KANK1: variants seen among roughly 807,000 people sequenced by gnomAD.
KANK1 encodes KN motif and ankyrin repeat domains 1.
KANK1 carries 109 observed loss-of-function variants against 106.2 expected under a neutral mutation model. The observed-to-expected ratio is 1.03, with a 90% confidence interval of 0.88 to 1.20. The LOEUF (loss-of-function observed/expected upper bound fraction) is 1.20. KANK1 is among the 50% of genes most tolerant of loss of function. The pLI, the probability that KANK1 is intolerant of heterozygous loss-of-function variation, is 0.00. For synonymous variants in KANK1, 873 were observed against 652.2 expected, an observed-to-expected ratio of 1.34 and a Z score of -5.16; for missense variants, 2,399 against 1,710.7, an observed-to-expected ratio of 1.40 and a Z score of -7.10.
At chr9:688,545 G>T (rs535395964) in intron 2 of KANK1, among the ~76,000 whole-genome samples, 1 of 149,996 alleles carries the variant, frequency 6.7e-6, no homozygotes, top group African/African-American at 2.5e-5. Context: ...GGTGGAGGTC[G>T]CAGTGAGCCG....
intron 10 of KANK1, among the ~76,000 whole-genome samples, chr9:743,909 T>C (rs1046752802): frequency 9.8e-5 from 15 of 152,296 alleles, no homozygotes; most frequent in African/African-American, 3.4e-4. Context: ...TTGATACTCC[T>C]TTATATCCAT....
intron 1 of KANK1, among the ~76,000 whole-genome samples, chr9:630,125 A>G (rs910727913): frequency 6.6e-6 from 1 of 151,998 alleles, no homozygotes; most frequent in Non-Finnish European, 1.5e-5. Context: ...GCATGTGCCT[A>G]TAGTCCCAGC....
chr9:478,505 C>G (rs2058145425), intron 3 of KANK1: 1 of 152,274 alleles, frequency 6.6e-6, no homozygotes, highest in African/African-American at 2.4e-5. Flanking sequence ...ACAAGTCAAC[C>G]AGGTATCCAG....
intron 6 of KANK1, 163 bp downstream of exon 6, chr9:732,780 C>G (rs1480093416): frequency 1.5e-6 from 1 of 683,742 alleles, no homozygotes; most frequent in Non-Finnish European, 2.4e-6. Flanking sequence ...CAGAGTATTA[C>G]AACTCTTAGA....
At chr9:703,494 G>C (rs761726635) in intron 2 of KANK1, among the ~76,000 whole-genome samples, 1 of 152,104 alleles carries the variant, frequency 6.6e-6, no homozygotes, top group Non-Finnish European at 1.5e-5. Flanking sequence ...GCCAGGAGCA[G>C]TCTCCACCAC....
chr9:507,846 A>T (rs940974895), intron 1 of KANK1, among the ~76,000 whole-genome samples: 9 of 150,862 alleles, frequency 6.0e-5, no homozygotes, highest in African/African-American at 1.9e-4. Context: ...GTGAGCCACC[A>T]TGCCAGTTTT....
intron 1 of KANK1, among the ~76,000 whole-genome samples, chr9:523,616 GC>G (rs1053515992): frequency 4.6e-5 from 7 of 151,574 alleles, no homozygotes; most frequent in Admixed American, 2.6e-4. Context: ...TCCTGTGCTC[GC>G]CCCCACCTCT....
At chr9:724,727 G>T (rs1047249402) in intron 3 of KANK1, among the ~76,000 whole-genome samples, 5 of 152,004 alleles carry the variant, frequency 3.3e-5, no homozygotes, top group Admixed American at 3.3e-4. Context: ...ACTTGAACCC[G>T]GGAGGTGGAG....
intron 1 of KANK1, among the ~76,000 whole-genome samples, chr9:594,119 T>C (rs1588099206): frequency 6.6e-6 from 1 of 151,924 alleles, no homozygotes; most frequent in East Asian, 1.9e-4. Context: ...AGAAGTGCAC[T>C]TGTTGGGGGT....
intron 1 of KANK1, among the ~76,000 whole-genome samples, chr9:554,339 C>G (rs1185143634): frequency 6.6e-6 from 1 of 152,166 alleles, no homozygotes; most frequent in Admixed American, 6.5e-5. Flanking sequence ...AGTTCCAGCT[C>G]AAGCAGAGAG....
chr9:613,359 C>T (rs559483391), intron 1 of KANK1, among the ~76,000 whole-genome samples: 1 of 151,142 alleles, frequency 6.6e-6, no homozygotes, highest in Non-Finnish European at 1.5e-5. Context: ...AGCTTCAGTC[C>T]TTTATGACAA....
At chr9:566,029 C>T (rs1465572823) in intron 1 of KANK1, among the ~76,000 whole-genome samples, 2 of 152,172 alleles carry the variant, frequency 1.3e-5, no homozygotes, top group Non-Finnish European at 2.9e-5. Context: ...CCTCCACCCT[C>T]CATTAGGCTG....
intron 1 of KANK1, among the ~76,000 whole-genome samples, chr9:588,583 G>GA (rs112132969): frequency 0.052 from 7,743 of 147,740 alleles, 206 homozygotes; most frequent in African/African-American, 0.066. Flanking sequence ...TTAGCAATTT[G>GA]AAAAAAAAAA....
At chr9:509,329 C>T (rs997182536) in intron 1 of KANK1, among the ~76,000 whole-genome samples, 1 of 152,162 alleles carries the variant, frequency 6.6e-6, no homozygotes, top group Non-Finnish European at 1.5e-5. Flanking sequence ...ATCTCCTGAC[C>T]TCGTGATCCA....
chr9:630,233 G>A (rs141046367), intron 1 of KANK1, among the ~76,000 whole-genome samples: 2,068 of 151,418 alleles, frequency 0.014, 49 homozygotes, highest in African/African-American at 0.047. Flanking sequence ...GGGCAACAGA[G>A]CGAGACTCTG....
chr9:741,400 A>C (rs1247334379), intron 9 of KANK1, among the ~76,000 whole-genome samples: 1 of 150,192 alleles, frequency 6.7e-6, no homozygotes, highest in East Asian at 2.0e-4. Context: ...GCTCACTGCA[A>C]CCACCCCCGG....
chr9:695,518 TAAG>T (rs1212479998), intron 2 of KANK1, among the ~76,000 whole-genome samples: 2 of 152,112 alleles, frequency 1.3e-5, no homozygotes, highest in Admixed American at 1.3e-4. Flanking sequence ...CATACACTCT[TAAG>T]AAGAAGAAAC....
chr9:515,344 C>CAAA, intron 1 of KANK1, among the ~76,000 whole-genome samples: 1 of 85,720 alleles, frequency 1.2e-5, no homozygotes, highest in African/African-American at 4.3e-5. Context: ...GACTCCTTCT[C>CAAA]AAAAAAAAAA....
At chr9:493,338 C>G (rs1320061976) in intron 3 of KANK1, among the ~76,000 whole-genome samples, 1 of 152,094 alleles carries the variant, frequency 6.6e-6, no homozygotes, top group East Asian at 1.9e-4. Context: ...AGTTGCTGAG[C>G]CTCCTTAGAA....
Sources: gnomAD v4.1 joint callset for allele counts (sites outside exome capture counted in the v4.1 genomes callset) on GRCh38, gnomAD v4.1.1 for gene constraint, MANE v1.5 for transcripts, NCBI Gene and HGNC (gene_info 2026-07-23, HGNC 2026-07-21) for gene names.